Variants in CALB2 observed in about 807,000 individuals in gnomAD.
CALB2 encodes the protein calretinin.
Under a neutral mutation model 45.9 loss-of-function variants are expected in CALB2, and 34 were observed. That is an observed-to-expected ratio of 0.74 (90% CI 0.56 to 0.99). The LOEUF is 0.99. CALB2 is among the 50% of genes least tolerant of loss of function. The pLI, the probability that CALB2 is intolerant of heterozygous loss-of-function variation, is 0.00. For synonymous variants in CALB2, 142 were observed against 129.6 expected, an observed-to-expected ratio of 1.10 and a Z score of -0.65; for missense variants, 344 against 339.3, an observed-to-expected ratio of 1.01 and a Z score of -0.11.
intron 10 of CALB2, among the ~76,000 whole-genome samples, chr16:71,388,476 G>T (rs2042597527): frequency 1.3e-5 from 2 of 152,136 alleles, no homozygotes; most frequent in African/African-American, 4.8e-5. Context: ...CAGACCCATT[G>T]GTTATTTGTA....
intron 1 of CALB2, among the ~76,000 whole-genome samples, chr16:71,363,149 C>T (rs1453800489): frequency 6.6e-6 from 1 of 152,158 alleles, no homozygotes; most frequent in Non-Finnish European, 1.5e-5. Flanking sequence ...TGCACCACTG[C>T]ACTCCAGCCT....
intron 1 of CALB2, among the ~76,000 whole-genome samples, chr16:71,365,812 C>T (rs779589792): frequency 5.9e-5 from 9 of 151,840 alleles, no homozygotes; most frequent in Admixed American, 5.9e-4. Flanking sequence ...TGCTCTGAAG[C>T]GGTTCCAAGC....
chr16:71,362,115 T>C (rs557349034), intron 1 of CALB2, among the ~76,000 whole-genome samples: 1 of 152,328 alleles, frequency 6.6e-6, no homozygotes, highest in South Asian at 2.1e-4. Context: ...TGGCCTTACG[T>C]ATCTGAGCCC....
chr16:71,376,549 CCACA>C (rs752467977), intron 3 of CALB2, among the ~76,000 whole-genome samples: 15 of 152,118 alleles, frequency 9.9e-5, no homozygotes, highest in Non-Finnish European at 1.9e-4. Context: ...CCACATTCAA[CCACA>C]CACACCCACA....
At chr16:71,369,034 G>C (rs2042317043) in intron 1 of CALB2, among the ~76,000 whole-genome samples, 1 of 152,118 alleles carries the variant, frequency 6.6e-6, no homozygotes, top group Non-Finnish European at 1.5e-5. Context: ...GCGTTCAGTG[G>C]GGCGGGGCTC....
intron 4 of CALB2, among the ~76,000 whole-genome samples, chr16:71,382,252 G>A (rs900787905): frequency 2.0e-5 from 3 of 152,148 alleles, no homozygotes; most frequent in Admixed American, 6.6e-5. Context: ...ATGGTTCTCC[G>A]GGCATCTTTG....
chr16:71,377,374 G>A (rs1435904990), intron 3 of CALB2, among the ~76,000 whole-genome samples: 1 of 152,102 alleles, frequency 6.6e-6, no homozygotes, highest in Non-Finnish European at 1.5e-5. Flanking sequence ...TACATACATG[G>A]AATCATCTGT....
At chr16:71,389,564 G>C in intron 10 of CALB2, 185 bp from the exon 11 acceptor site, 1 of 742,948 alleles carries the variant, frequency 1.3e-6, no homozygotes, top group Non-Finnish European at 2.5e-6. Flanking sequence ...GCCAGTAAGT[G>C]AAAGAGAGGC....
At chr16:71,387,240 G>C (rs1443132935) in intron 10 of CALB2, among the ~76,000 whole-genome samples, 1 of 152,192 alleles carries the variant, frequency 6.6e-6, no homozygotes, top group Non-Finnish European at 1.5e-5. Flanking sequence ...GTGCTGCACA[G>C]CTTGACTCCA....
intron 1 of CALB2, among the ~76,000 whole-genome samples, chr16:71,370,931 C>G (rs1381333463): frequency 6.6e-6 from 1 of 152,166 alleles, no homozygotes; most frequent in Non-Finnish European, 1.5e-5. Context: ...AAGGACCTCT[C>G]ACTACTTATG....
chr16:71,363,990 C>G (rs2042257778), intron 1 of CALB2, among the ~76,000 whole-genome samples: 2 of 152,162 alleles, frequency 1.3e-5, no homozygotes, highest in African/African-American at 2.4e-5. Context: ...GAACAGCCGC[C>G]TGACCCATCT....
At chr16:71,382,853 A>G (rs2042516385) in intron 5 of CALB2, 78 bp downstream of exon 5, 1 of 1,269,102 alleles carries the variant, frequency 7.9e-7, no homozygotes, top group Non-Finnish European at 1.1e-6. Flanking sequence ...GAGATGTTGG[A>G]TGAGGGGCAT....
chr16:71,361,957 A>C (rs1598157399), intron 1 of CALB2, among the ~76,000 whole-genome samples: 2 of 152,316 alleles, frequency 1.3e-5, no homozygotes, highest in African/African-American at 2.4e-5. Flanking sequence ...CTGCCTCAGC[A>C]GTCAGCCAAG....
intron 1 of CALB2, among the ~76,000 whole-genome samples, chr16:71,363,743 T>C (rs563431825): frequency 1.4e-4 from 22 of 152,326 alleles, no homozygotes; most frequent in African/African-American, 4.8e-4. Context: ...TCACAAAATA[T>C]GTGATGTATA....
intron 4 of CALB2, among the ~76,000 whole-genome samples, chr16:71,381,012 G>A (rs72799802): frequency 0.029 from 4,361 of 152,318 alleles, 55 homozygotes; most frequent in Non-Finnish European, 0.03. Context: ...GCATCCTGGC[G>A]GGGTGCATGG....
chr16:71,374,610 T>G (rs2042390292), intron 2 of CALB2, 135 bp from the exon 3 acceptor site: 2 of 615,838 alleles, frequency 3.2e-6, no homozygotes, highest in Admixed American at 5.2e-5. Flanking sequence ...ACAGCTCTGA[T>G]CAATCAGAGC....
intron 1 of CALB2, among the ~76,000 whole-genome samples, chr16:71,360,994 G>C (rs1446240968): frequency 6.6e-6 from 1 of 152,162 alleles, no homozygotes; most frequent in Admixed American, 6.5e-5. Flanking sequence ...CCACCCTTGG[G>C]GTTGATGGGC....
chr16:71,385,062 G>C (rs186360850), intron 9 of CALB2, among the ~76,000 whole-genome samples: 1 of 152,280 alleles, frequency 6.6e-6, no homozygotes, highest in Admixed American at 6.5e-5. Flanking sequence ...GAATCGTTGG[G>C]GGAGGACTAT....
In CALB2 at chr16:71,367,274, G is replaced by A. The variant is rs199897841; in HGVS notation, c.95-4879G>A. ...GGTTTGATAAGAAGTTAGAAGTGAT[G>A]GTTGCCATGGTAACCACGTCTTTAT... is the stretch of plus-strand genomic sequence containing the variant. On this transcript the variant is annotated intron_variant, in intron 1 of 10. Transcript: ENST00000302628. Among the ~76,000 whole-genome samples the A allele has an allele frequency of 1.1e-4, 17 of 152,310 alleles. No homozygotes were observed. The East Asian group carries it at 2.5e-3, about 22-fold the overall frequency.
Sources: allele counts gnomAD v4.1 joint callset (sites outside exome capture counted in the v4.1 genomes callset), GRCh38; gene constraint gnomAD v4.1.1; transcripts MANE v1.5; gene names NCBI Gene and HGNC (gene_info 2026-07-23, HGNC 2026-07-21).